PCDH11Y: variants seen among roughly 807,000 people sequenced by gnomAD.
PCDH11Y encodes the protein protocadherin-11 Y-linked.
For missense variants in PCDH11Y, 12 were observed against 224.8 expected (o/e 0.05, Z 6.05); for synonymous variants, 9 against 83.6 (o/e 0.11, Z 4.87).
chrY:5,237,335 A>G, intron 2 of PCDH11Y, among the ~76,000 whole-genome samples: 2 of 33,473 alleles, frequency 6.0e-5, no homozygotes, highest in South Asian at 1.3e-3. Context: ...AATAAAACGA[A>G]TATTCAAAAA....
intron 3 of PCDH11Y, among the ~76,000 whole-genome samples, chrY:5,543,978 A>G: frequency 3.0e-5 from 1 of 33,592 alleles, no homozygotes; most frequent in African/African-American, 1.1e-4. Context: ...GTTTGCAACC[A>G]TCTGTAATGC....
chrY:5,088,831 A>G, intron 1 of PCDH11Y, among the ~76,000 whole-genome samples: 1 of 31,818 alleles, frequency 3.1e-5, no homozygotes, highest in Non-Finnish European at 7.6e-5. Context: ...TTTCCTATCA[A>G]TGAGTTGTTT....
chrY:5,197,926 A>T, intron 2 of PCDH11Y, among the ~76,000 whole-genome samples: 1 of 25,060 alleles, frequency 4.0e-5, no homozygotes, highest in Non-Finnish European at 9.2e-5. Flanking sequence ...ACATGTATAC[A>T]TATGTAACTA....
At chrY:5,342,321 G>A in intron 2 of PCDH11Y, among the ~76,000 whole-genome samples, 3 of 33,310 alleles carry the variant, frequency 9.0e-5, no homozygotes, top group Admixed American at 2.8e-4. Flanking sequence ...ACATCAAAGT[G>A]AGAACAAGCT....
intron 3 of PCDH11Y, among the ~76,000 whole-genome samples, chrY:5,511,631 A>T: frequency 3.1e-5 from 1 of 32,742 alleles, no homozygotes; most frequent in African/African-American, 1.2e-4. Context: ...AATACAGGGT[A>T]AAAACATACT....
chrY:5,067,857 A>G (rs2052690183), intron 1 of PCDH11Y, among the ~76,000 whole-genome samples: 2 of 29,781 alleles, frequency 6.7e-5, no homozygotes, highest in East Asian at 1.8e-3. Flanking sequence ...CTAAAAATAC[A>G]AAAAAATTAG....
At chrY:5,513,820 G>A in intron 3 of PCDH11Y, among the ~76,000 whole-genome samples, 2 of 32,969 alleles carry the variant, frequency 6.1e-5, no homozygotes, top group African/African-American at 1.2e-4. Context: ...GAAAAGAAAC[G>A]TCCTGTTGTT....
At chrY:5,421,515 G>C (rs2053258329) in intron 2 of PCDH11Y, among the ~76,000 whole-genome samples, 1 of 30,776 alleles carries the variant, frequency 3.2e-5, no homozygotes. Context: ...ACAAACATTA[G>C]CAAACCAAAT....
At chrY:5,160,374 C>T in intron 2 of PCDH11Y, among the ~76,000 whole-genome samples, 1 of 28,883 alleles carries the variant, frequency 3.5e-5, no homozygotes, top group Non-Finnish European at 8.3e-5. Context: ...ATTATCTTCT[C>T]ATTTTATTAG....
chrY:5,712,693 G>C, intron 4 of PCDH11Y, among the ~76,000 whole-genome samples: 2 of 33,342 alleles, frequency 6.0e-5, no homozygotes, highest in Non-Finnish European at 1.5e-4. Flanking sequence ...GTTGCAAAGG[G>C]TTTGTGAAGG....
At chrY:5,711,659 A>G in intron 4 of PCDH11Y, among the ~76,000 whole-genome samples, 1 of 31,249 alleles carries the variant, frequency 3.2e-5, no homozygotes, top group Admixed American at 3.0e-4. Context: ...GCTTTGTGGC[A>G]TGCACCTGTA....
At chrY:5,096,884 T>C (rs2052752418) in intron 1 of PCDH11Y, among the ~76,000 whole-genome samples, 1 of 23,682 alleles carries the variant, frequency 4.2e-5, no homozygotes, top group Non-Finnish European at 9.5e-5. Context: ...TTTTTTTTTT[T>C]GTATTTTTTA....
chrY:5,173,102 T>A (rs2124645831), intron 2 of PCDH11Y, among the ~76,000 whole-genome samples: 1 of 33,202 alleles, frequency 3.0e-5, no homozygotes, highest in East Asian at 8.0e-4. Flanking sequence ...CCTGGGTAAC[T>A]GTGATAAATC....
At chrY:5,108,742 A>T, downstream of PCDH11Y, among the ~76,000 whole-genome samples, 2 of 18,036 alleles carry the variant, frequency 1.1e-4, no homozygotes, top group African/African-American at 4.7e-4. Context: ...GCTAGACTCC[A>T]TCTCAAAAAA....
intron 3 of PCDH11Y, among the ~76,000 whole-genome samples, chrY:5,045,940 C>T: frequency 3.0e-5 from 1 of 33,323 alleles, no homozygotes; most frequent in Non-Finnish European, 7.4e-5. Context: ...ACGTAGTTCT[C>T]GAGCCTTGGT....
chrY:5,508,362 G>A, intron 3 of PCDH11Y, among the ~76,000 whole-genome samples: 1 of 32,939 alleles, frequency 3.0e-5, no homozygotes, highest in Admixed American at 2.8e-4. Context: ...AGAGATAACA[G>A]TGTTCGCTTA....
At chrY:5,605,975 A>C in intron 4 of PCDH11Y, among the ~76,000 whole-genome samples, 1 of 29,885 alleles carries the variant, frequency 3.3e-5, no homozygotes, top group East Asian at 8.8e-4. Context: ...AAAATTTCCT[A>C]AACTTTTTCT....
intron 3 of PCDH11Y, among the ~76,000 whole-genome samples, chrY:5,048,486 C>T: frequency 3.0e-5 from 1 of 32,819 alleles, no homozygotes; most frequent in Non-Finnish European, 7.5e-5. Flanking sequence ...TGCTGCTTCC[C>T]ACTATAGTTG....
In PCDH11Y at chrY:5,086,430, G is replaced by C. The variant is rs2124632972; in HGVS notation, c.637-11785G>C. Among the ~76,000 whole-genome samples the C allele has an allele frequency of 9.3e-5, 3 of 32,110 alleles. No individual in the cohort carries two copies. In the South Asian group the frequency reaches 2.1e-3, roughly 23 times the overall value. The allele number at this position is 32,110 out of a possible 37,273, so 86.1% of individuals were successfully genotyped here. ...GGCTTTGTCCTGGGTGACTTATTTAGTTCATTTGGTGCGATCACGTTTTCC... is the reference window on the plus strand; with the variant it reads ...GGCTTTGTCCTGGGTGACTTATTTACTTCATTTGGTGCGATCACGTTTTCC... On this transcript the variant is annotated intron_variant, in intron 1 of 1. Coordinates refer to ENST00000215473, the Ensembl canonical transcript of PCDH11Y.
Sources: allele counts gnomAD v4.1 joint callset (sites outside exome capture counted in the v4.1 genomes callset), GRCh38; gene constraint gnomAD v4.1.1; transcripts MANE v1.5; gene names NCBI Gene and HGNC (gene_info 2026-07-23, HGNC 2026-07-21).